CNNM4: variants seen among roughly 807,000 people sequenced by gnomAD.
CNNM4 encodes cyclin and CBS domain divalent metal cation transport mediator 4, also known as metal transporter CNNM4.
In CNNM4, 32 loss-of-function variants were observed where a neutral mutation model predicts 53.7. That is an observed-to-expected ratio of 0.60 (90% CI 0.45 to 0.80). CNNM4 has a LOEUF of 0.80. CNNM4 is among the 30% of genes least tolerant of loss of function. The pLI, the probability that CNNM4 is intolerant of heterozygous loss-of-function variation, is 0.00. For missense variants in CNNM4, 784 were observed against 1,022.0 expected, an observed-to-expected ratio of 0.77 and a Z score of 3.17; for synonymous variants, 410 against 440.0, an observed-to-expected ratio of 0.93 and a Z score of 0.85.
In CNNM4 at chr2:96,801,490, CAGAGACCACACACAGAG is replaced by C. The variant is rs1338831941; in HGVS notation, c.1948+1861_1948+1877del. On this transcript the variant is annotated intron_variant, in intron 5 of 6. Transcript: ENST00000377075. This position sits in a 1 kb window ranked among gnomAD's most constrained non-coding sequence, Gnocchi z 5.6. ...CACACAGAGAGAGACCACACACACACAGAGACCACACACAGAGAGAGACCACACACAGAGATAGCACA... is the reference window on the plus strand; with the variant it reads ...CACACAGAGAGAGACCACACACACACAGAGACCACACACAGAGATAGCACA... 1.5e-4 allele frequency among the ~76,000 whole-genome samples: 22 copies of C among 150,992 alleles called. 1 individual carries two copies. Among genetic ancestry groups the C allele is most frequent in the East Asian group, 1.9e-4 (1 of 5,166 alleles).
chr2:96,761,115 G>T lies in CNNM4; in HGVS notation c.116G>T (p.Gly39Val). The change falls in exon 1 of 7, where the codon GGC becomes GTC. Residue 39 changes from glycine (G) to valine (V), a missense_variant. By Grantham distance (109) the Gly-to-Val change is moderately radical. Around this residue, in one of 3 missense-constraint regions of CNNM4, gnomAD observed 473 missense variants for 624.6 expected, o/e 0.76. Coordinates refer to ENST00000377075, the MANE Select transcript of CNNM4 (RefSeq NM_020184.4). The surrounding 1 kb of genome is among the most constrained non-coding windows in gnomAD (Gnocchi z 6.0). ...TGGGCGCTGGGGGCCCGGGGCCAGGGCAGCCCCCAGCAGGGCACGATCGTG... is the reference window on the plus strand; with the variant it reads ...TGGGCGCTGGGGGCCCGGGGCCAGGTCAGCCCCCAGCAGGGCACGATCGTG... ...LLWALGARGQ[G>V]SPQQGTIVGM... 1 of 1,573,466 alleles carries T rather than the reference G, an allele frequency of 6.4e-7. No homozygotes were observed. The highest frequency in any genetic ancestry group is 8.7e-7 in the Non-Finnish European group (1 of 1,153,806).
In CNNM4 at chr2:96,808,803, T is replaced by G; in HGVS notation, c.2130+61T>G. On this transcript the variant is annotated intron_variant, in intron 6 of 6. Coordinates refer to ENST00000377075, the MANE Select transcript of CNNM4 (RefSeq NM_020184.4). This position sits in a 1 kb window ranked among gnomAD's most constrained non-coding sequence, Gnocchi z 4.9. The stretch of plus-strand genomic sequence containing the variant: ...CTTCTGCTCAGGAATCAGCTACTAC[T>G]TTCATCCACCAAACCCAGCATGGTG... The G allele has an allele frequency of 6.4e-7, 1 of 1,550,972 alleles. No homozygotes were observed. The highest frequency in any genetic ancestry group is 8.9e-7 in the Non-Finnish European group (1 of 1,124,424).
intron 1 of CNNM4, among the ~76,000 whole-genome samples, chr2:96,780,318 G>A (rs1405978603): frequency 5.9e-5 from 9 of 151,898 alleles, no homozygotes; most frequent in Non-Finnish European, 1.0e-4. Flanking sequence ...CAGCTGGGGT[G>A]TACTGTAGTT....
At chr2:96,793,541 G>A (rs2079079213) in intron 1 of CNNM4, among the ~76,000 whole-genome samples, 1 of 152,198 alleles carries the variant, frequency 6.6e-6, no homozygotes, top group South Asian at 2.1e-4. Context: ...TGCCACCCGA[G>A]GGTGCACACA....
Position 96,801,056 on chromosome 2 carries a change from T to A in CNNM4, c.1948+1408T>A. ...CTCCTGACTGCGCCCATCACTGACC[T>A]TCTCTTTTGCTCCAGTGCCTTCAGT... On this transcript the variant is annotated intron_variant, in intron 5 of 6. Coordinates refer to ENST00000377075, the MANE Select transcript of CNNM4 (RefSeq NM_020184.4). This position sits in a 1 kb window ranked among gnomAD's most constrained non-coding sequence, Gnocchi z 5.6. 6.1e-6 allele frequency: 6 copies of A among 984,772 alleles called. No homozygotes were observed. The highest frequency in any genetic ancestry group is 7.2e-6 in the Non-Finnish European group (6 of 829,320). The allele number at this position is 984,772 out of a possible 1,614,324, so 61.0% of individuals were successfully genotyped here. A position where few individuals can be genotyped will look rare whatever the true frequency, so the allele number is the denominator to read the frequency against.
chr2:96,781,200 C>T (rs771813741), intron 1 of CNNM4, among the ~76,000 whole-genome samples: 93 of 151,840 alleles, frequency 6.1e-4, no homozygotes, highest in Non-Finnish European at 1.2e-3. Context: ...AAGATGGTCT[C>T]GCTCTCCTGA....
At position 96,799,735 on chromosome 2, in the gene CNNM4, C is replaced by T. The variant is rs557367930; in HGVS notation, c.1948+87C>T. On this transcript the variant is annotated intron_variant, in intron 5 of 6. Transcript: ENST00000377075. ...CCGACACCAGAACTGAGCATGGGCCCGAGAGCTCATAGCCAGCTGGCTGGG... is the reference window on the plus strand; with the variant it reads ...CCGACACCAGAACTGAGCATGGGCCTGAGAGCTCATAGCCAGCTGGCTGGG... 70 of 1,135,392 alleles carry T rather than the reference C, an allele frequency of 6.2e-5. No individual in the cohort carries two copies. The Admixed American group carries it at 9.9e-4, about 16-fold the overall frequency. The allele number at this position is 1,135,392 out of a possible 1,614,324, so 70.3% of individuals were successfully genotyped here. A position where few individuals can be genotyped will look rare whatever the true frequency, so the allele number is the denominator to read the frequency against.
At chr2:96,777,498 G>A (rs1039201669) in intron 1 of CNNM4, among the ~76,000 whole-genome samples, 9 of 152,152 alleles carry the variant, frequency 5.9e-5, no homozygotes, top group Non-Finnish European at 8.8e-5. Flanking sequence ...ACAGCTGTGC[G>A]CCACCACACC....
intron 3 of CNNM4, among the ~76,000 whole-genome samples, 164 bp from the exon 4 acceptor site, chr2:96,798,893 C>G (rs995240396): frequency 6.6e-6 from 1 of 152,174 alleles, no homozygotes; most frequent in East Asian, 1.9e-4. Context: ...AGAAGCCAAG[C>G]GTGCTCCCTC....
chr2:96,762,460 C>T (rs560315490), intron 1 of CNNM4, 59 bp downstream of exon 1: 9 of 1,501,146 alleles, frequency 6.0e-6, no homozygotes, highest in East Asian at 2.3e-5. Context: ...TTTCCCCTGG[C>T]GTGTTTTGTG....
rs2079163370 is a variant in CNNM4, at chr2:96,801,957, C to A, written c.1948+2309C>A. On this transcript the variant is annotated intron_variant, in intron 5 of 6. Transcript: ENST00000377075. The surrounding 1 kb of genome is among the most constrained non-coding windows in gnomAD (Gnocchi z 5.6). ...CAAACACACACCCATAGGCACACAC[C>A]CATAGGCACACACACAAAGAGACAC... Among the ~76,000 whole-genome samples the A allele has an allele frequency of 6.7e-6, 1 of 149,886 alleles. No homozygotes were observed. Among genetic ancestry groups the A allele is most frequent in the African/African-American group, 2.5e-5 (1 of 40,698 alleles).
intron 4 of CNNM4, 70 bp from the exon 5 acceptor site, chr2:96,799,482 C>A: frequency 7.2e-7 from 1 of 1,389,690 alleles, no homozygotes; most frequent in Non-Finnish European, 1.0e-6. Flanking sequence ...TTGTTCCTCA[C>A]TCCCCATCCT....
chr2:96,788,026 G>A (rs1196798797), intron 1 of CNNM4, among the ~76,000 whole-genome samples: 1 of 152,204 alleles, frequency 6.6e-6, no homozygotes, highest in Non-Finnish European at 1.5e-5. Context: ...AGGTTCAAGT[G>A]ATTCTCCTGC....
rs571202839 is a variant in CNNM4, at chr2:96,775,509, G to A, written c.1402+13108G>A. 1.8e-4 allele frequency among the ~76,000 whole-genome samples: 27 copies of A among 152,266 alleles called. 1 individual carries two copies. The East Asian group carries it at 2.1e-3, about 12-fold the overall frequency. On this transcript the variant is annotated intron_variant, in intron 1 of 6. Transcript: ENST00000377075. ...AAATGATGCTGCTAAGAACACTCTT[G>A]TGCATGTCTCTTGCTGAACGTATGA...
chr2:96,773,622 C>T (rs1481386881), intron 1 of CNNM4, among the ~76,000 whole-genome samples: 1 of 152,022 alleles, frequency 6.6e-6, no homozygotes, highest in Non-Finnish European at 1.5e-5. Context: ...GTGGACAGAC[C>T]ACCTGAGGTC....
Position 96,801,916 on chromosome 2 carries a change from A to G in CNNM4, c.1948+2268A>G, listed in dbSNP as rs1424747867. ...AGGATACACATACACACATAGATACACCACTCATAGACACACAAACACACA... is the reference window on the plus strand; with the variant it reads ...AGGATACACATACACACATAGATACGCCACTCATAGACACACAAACACACA... On this transcript the variant is annotated intron_variant, in intron 5 of 6. Coordinates refer to ENST00000377075, the MANE Select transcript of CNNM4 (RefSeq NM_020184.4). The surrounding 1 kb of genome is among the most constrained non-coding windows in gnomAD (Gnocchi z 5.6). 6.6e-6 allele frequency among the ~76,000 whole-genome samples: 1 copy of G among 151,384 alleles called. No individual in the cohort carries two copies. Among genetic ancestry groups the G allele is most frequent in the Non-Finnish European group, 1.5e-5 (1 of 67,848 alleles).
At chr2:96,799,283 C>T (rs930998639) in intron 4 of CNNM4, 57 bp downstream of exon 4, 1 of 1,600,864 alleles carries the variant, frequency 6.2e-7, no homozygotes, top group East Asian at 2.2e-5. Flanking sequence ...GCAGCAACCC[C>T]CAGGCCCTCT....
At chr2:96,767,045 A>G (rs2078825080) in intron 1 of CNNM4, among the ~76,000 whole-genome samples, 1 of 152,110 alleles carries the variant, frequency 6.6e-6, no homozygotes, top group African/African-American at 2.4e-5. Flanking sequence ...GTCTTTGGCC[A>G]CTGGGGGTTT....
At chr2:96,799,342 T>C in intron 4 of CNNM4, 116 bp downstream of exon 4, 1 of 1,418,376 alleles carries the variant, frequency 7.1e-7, no homozygotes, top group South Asian at 1.2e-5. Context: ...GGGAGCCTGC[T>C]GCCTGCCCTT....
Sources: allele counts gnomAD v4.1 joint callset (sites outside exome capture counted in the v4.1 genomes callset), GRCh38; gene constraint gnomAD v4.1.1; regional missense constraint gnomAD v4.1.1; non-coding constraint Gnocchi (gnomAD v3.1); transcripts MANE v1.5; gene names NCBI Gene and HGNC (gene_info 2026-07-23, HGNC 2026-07-21).